Variants in OR6C4 observed in about 807,000 individuals in gnomAD.
OR6C4 encodes the protein olfactory receptor family 6 subfamily C member 4, also known as olfactory receptor 6C4.
In OR6C4, 20 loss-of-function variants were observed where a neutral mutation model predicts 15.1. The ratio of observed to expected loss-of-function variants is 1.32; its 90% CI spans 0.93 to 1.92. OR6C4 has a LOEUF of 1.92. Ranked by LOEUF, OR6C4 falls within the 30% of genes most tolerant of loss-of-function variation. OR6C4 has a pLI of 0.00. For synonymous variants in OR6C4, 179 were observed against 134.2 expected (o/e 1.33, Z -2.31); for missense variants, 491 against 363.2 (o/e 1.35, Z -2.86).
In OR6C4 at chr12:55,551,837, C is replaced by T; in HGVS notation, c.611C>T (p.Thr204Ile). Residue 204 changes from threonine to isoleucine, a missense_variant, in exon 2 of 2, where the codon ACT (threonine) becomes ATT (isoleucine). Transcript: ENST00000641569. Reference protein sequence around the residue: ...ELMVILLAVVTLMVTLVLVTL... With the variant: ...ELMVILLAVVILMVTLVLVTL... The stretch of plus-strand genomic sequence containing the variant: ...ATGGTCATCCTCTTGGCCGTTGTGA[C>T]TCTCATGGTTACTCTGGTGCTGGTG... 1 of 1,613,836 alleles carries T rather than the reference C, an allele frequency of 6.2e-7. No individual in the cohort carries two copies. The highest frequency in any genetic ancestry group is 8.5e-7 in the Non-Finnish European group (1 of 1,179,896).
In OR6C4 at chr12:55,551,367, C is replaced by A. The variant is rs1382970087; in HGVS notation, c.141C>A (p.Thr47=). 12 of 1,613,882 alleles carry A rather than the reference C, an allele frequency of 7.4e-6. No individual in the cohort carries two copies. Among genetic ancestry groups the A allele is most frequent in the Non-Finnish European group, 8.5e-6 (10 of 1,179,858 alleles). The change falls in exon 2 of 2, where the codon ACC becomes ACA. Residue 47 remains threonine (T), a synonymous_variant. Transcript: ENST00000641569. The stretch of plus-strand genomic sequence containing the variant: ...GAAATCTGACTATTATCACCCTCAC[C>A]TTACTAGACCCCCACCTCCAGACCC... ...ILGNLTIITL[T]LLDPHLQTPM...
chr12:55,554,740 G>A lies in OR6C4; in HGVS notation c.*2584G>A, dbSNP rs1231838800. The A allele has an allele frequency of 1.3e-5, 2 of 152,120 alleles. No homozygotes were observed. The highest frequency in any genetic ancestry group is 3.8e-4 in the East Asian group (2 of 5,198). 9.4% of individuals were successfully genotyped at this position (152,120 alleles called of 1,614,324 possible). On this transcript the variant is annotated 3_prime_UTR_variant, in exon 2 of 2. Transcript: ENST00000641569. ...ACATTTGGGCATTCATTCTTCTATT[G>A]CCTCTCTTTAAAGCTGCCAGAGCTT...
In OR6C4 at chr12:55,551,620, A is replaced by T. The variant is rs942226239; in HGVS notation, c.394A>T (p.Thr132Ser). ...VAICKPLHYL[T>S]IMSSRVCIQL... ...CATCTGCAAACCCTTGCATTACCTG[A>T]CTATTATGAGCAGCAGAGTCTGCAT... is the stretch of plus-strand genomic sequence containing the variant. The change falls in exon 2 of 2, where the codon ACT becomes TCT. Residue 132 changes from threonine (T) to serine (S), a missense_variant. By Grantham distance (58) the Thr-to-Ser change is moderately conservative (BLOSUM62 1). Coordinates refer to ENST00000641569, the MANE Select transcript of OR6C4 (RefSeq NM_001005494.2). 6.2e-7 allele frequency: 1 copy of T among 1,613,718 alleles called. No individual in the cohort carries two copies. The highest frequency in any genetic ancestry group is 8.5e-7 in the Non-Finnish European group (1 of 1,179,934).
intron 1 of OR6C4, 37 bp downstream of exon 1, chr12:55,550,155 C>T (rs1873817705): frequency 6.6e-6 from 1 of 152,064 alleles, no homozygotes; most frequent in South Asian, 2.1e-4. Flanking sequence ...TGCAGGAGAC[C>T]CAGGTCACAT....
Position 55,551,806 on chromosome 12 carries a change from G to A in OR6C4, c.580G>A (p.Glu194Lys). 6.2e-7 allele frequency: 1 copy of A among 1,613,672 alleles called. No individual in the cohort carries two copies. Among genetic ancestry groups the A allele is most frequent in the Non-Finnish European group, 8.5e-7 (1 of 1,179,894 alleles). The change falls in exon 2 of 2, where the codon GAA becomes AAA. Residue 194 changes from glutamate to lysine, a missense_variant. Transcript: ENST00000641569. Reference protein sequence around the residue: ...ELACSDTSLLELMVILLAVVT... With the variant: ...ELACSDTSLLKLMVILLAVVT... Reference sequence around the variant, plus strand: ...TGCCTGCTCAGACACAAGCCTCTTAGAACTGATGGTCATCCTCTTGGCCGT... The same window carrying A: ...TGCCTGCTCAGACACAAGCCTCTTAAAACTGATGGTCATCCTCTTGGCCGT...
rs764751335 is a variant in OR6C4, at chr12:55,552,052, A to G, written c.826A>G (p.Ile276Val). The change falls in exon 2 of 2, where the codon ATT becomes GTT. Residue 276 changes from isoleucine (I) to valine (V), a missense_variant. Ile to Val is a conservative substitution (Grantham distance 29). Coordinates refer to ENST00000641569, the MANE Select transcript of OR6C4 (RefSeq NM_001005494.2). ...GAFNKGIAVLITSVTPLLNPF... is the reference protein window; with the variant it reads ...GAFNKGIAVLVTSVTPLLNPF... ...TTTCAACAAAGGAATAGCTGTACTC[A>G]TTACTTCGGTTACTCCCTTACTGAA... is the stretch of plus-strand genomic sequence containing the variant. The G allele has an allele frequency of 3.1e-6, 5 of 1,613,404 alleles. No homozygotes were observed. The highest frequency in any genetic ancestry group is 1.1e-5 in the South Asian group (1 of 91,054).
Position 55,553,872 on chromosome 12 carries a change from A to G in OR6C4, c.*1716A>G, listed in dbSNP as rs1227011193. The G allele has an allele frequency of 6.6e-6, 1 of 152,182 alleles. No individual in the cohort carries two copies. The highest frequency in any genetic ancestry group is 1.5e-5 in the Non-Finnish European group (1 of 68,038). The allele number at this position is 152,182 out of a possible 1,614,324, so 9.4% of individuals were successfully genotyped here. ...TCAACTCTAAAATGTTTACAATAAT[A>G]GTGTCTATCTTATAGTTTTGAGCAT... On this transcript the variant is annotated 3_prime_UTR_variant, in exon 2 of 2. Coordinates refer to ENST00000641569, the MANE Select transcript of OR6C4 (RefSeq NM_001005494.2).
Position 55,551,651 on chromosome 12 carries a change from T to C in OR6C4, c.425T>C (p.Leu142Pro). 6.2e-7 allele frequency: 1 copy of C among 1,613,970 alleles called. No homozygotes were observed. The highest frequency in any genetic ancestry group is 8.5e-7 in the Non-Finnish European group (1 of 1,179,912). ...TIMSSRVCIQ[L>P]VFCSWLGGFL... The stretch of plus-strand genomic sequence containing the variant: ...ATGAGCAGCAGAGTCTGCATACAAC[T>C]AGTGTTCTGCTCCTGGTTGGGGGGA... The change falls in exon 2 of 2, where the codon CTA becomes CCA. Residue 142 changes from leucine (L) to proline (P), a missense_variant. Coordinates refer to ENST00000641569, the MANE Select transcript of OR6C4 (RefSeq NM_001005494.2).
At position 55,554,422 on chromosome 12, in the gene OR6C4, A is replaced by T. The variant is rs1873962043; in HGVS notation, c.*2266A>T. The T allele has an allele frequency of 6.6e-6, 1 of 152,212 alleles. No homozygotes were observed. Among genetic ancestry groups the T allele is most frequent in the Non-Finnish European group, 1.5e-5 (1 of 68,032 alleles). 9.4% of individuals were successfully genotyped at this position (152,212 alleles called of 1,614,324 possible). On this transcript the variant is annotated 3_prime_UTR_variant, in exon 2 of 2. Transcript: ENST00000641569. ...CTTCTAAATGAGCTTGTCAAAAAAA[A>T]AAAAGCAAGTCATATTCTTCTAAAG...
rs1157231639 is a variant in OR6C4 at position 55,549,626 on chromosome 12, G to C, written c.-511G>C. The C allele has an allele frequency of 1.3e-5, 2 of 152,122 alleles. No individual in the cohort carries two copies. The highest frequency in any genetic ancestry group is 2.4e-5 in the African/African-American group (1 of 41,432). The allele number at this position is 152,122 out of a possible 1,614,324, so 9.4% of individuals were successfully genotyped here. A position where few individuals can be genotyped will look rare whatever the true frequency, so the allele number is the denominator to read the frequency against. On this transcript the variant is annotated 5_prime_UTR_variant, in exon 1 of 2. Coordinates refer to ENST00000641569, the MANE Select transcript of OR6C4 (RefSeq NM_001005494.2). ...GAGATGCCCATCCTCTGCCATCTAA[G>C]AACTTCAACATAATCTCTCTTAGAA...
At position 55,552,946 on chromosome 12, in the gene OR6C4, T is replaced by C. The variant is rs1386424882; in HGVS notation, c.*790T>C. On this transcript the variant is annotated 3_prime_UTR_variant, in exon 2 of 2. Coordinates refer to ENST00000641569, the MANE Select transcript of OR6C4 (RefSeq NM_001005494.2). Reference sequence around the variant, plus strand: ...AATGGCATGAGATCTGTTTTCTCTCTCTTTGATAGTTTCTGGTAATTTTTT... The same window carrying C: ...AATGGCATGAGATCTGTTTTCTCTCCCTTTGATAGTTTCTGGTAATTTTTT... 6.6e-6 allele frequency: 1 copy of C among 152,126 alleles called. No individual in the cohort carries two copies. The highest frequency in any genetic ancestry group is 6.6e-5 in the Admixed American group (1 of 15,258). 9.4% of individuals were successfully genotyped at this position (152,126 alleles called of 1,614,324 possible). A position where few individuals can be genotyped will look rare whatever the true frequency, so the allele number is the denominator to read the frequency against.
Position 55,552,078 on chromosome 12 carries a change from T to C in OR6C4, c.852T>C (p.Asn284=). The part of the protein sequence containing the change: ...VLITSVTPLL[N]PFIYTLRNQQ... ...TTACTTCGGTTACTCCCTTACTGAA[T>C]CCCTTCATATATACTTTAAGAAATC... The change falls in exon 2 of 2, where the codon AAT becomes AAC. Residue 284 remains asparagine, a synonymous_variant. Transcript: ENST00000641569. 6.2e-7 allele frequency: 1 copy of C among 1,612,520 alleles called. No individual in the cohort carries two copies. Among genetic ancestry groups the C allele is most frequent in the Non-Finnish European group, 8.5e-7 (1 of 1,179,474 alleles).
At position 55,551,443 on chromosome 12, in the gene OR6C4, T is replaced by A. The variant is rs897959615; in HGVS notation, c.217T>A (p.Ser73Thr). 19 of 1,613,828 alleles carry A rather than the reference T, an allele frequency of 1.2e-5. No homozygotes were observed. The highest frequency in any genetic ancestry group is 2.7e-5 in the African/African-American group (2 of 74,914). ...CTCCTTCTTAGAAATTTCCTTCACATCCATTTTTATTCCCAGATTTCTGAC... is the reference window on the plus strand; with the variant it reads ...CTCCTTCTTAGAAATTTCCTTCACAACCATTTTTATTCCCAGATTTCTGAC... ...NFSFLEISFT[S>T]IFIPRFLTSM... is the part of the protein sequence containing the mutation. The change falls in exon 2 of 2, where the codon TCC becomes ACC. Residue 73 changes from serine (S) to threonine (T), a missense_variant. Physicochemically the swap from Ser to Thr is moderately conservative, Grantham distance 58. Transcript: ENST00000641569.
Position 55,552,392 on chromosome 12 carries a change from G to GA in OR6C4, c.*240dup. 2 of 365,492 alleles carry GA rather than the reference G, an allele frequency of 5.5e-6. No homozygotes were observed. Among genetic ancestry groups the GA allele is most frequent in the Non-Finnish European group, 9.7e-6 (2 of 207,218 alleles). 22.6% of individuals were successfully genotyped at this position (365,492 alleles called of 1,614,324 possible). A position where few individuals can be genotyped will look rare whatever the true frequency, so the allele number is the denominator to read the frequency against. On this transcript the variant is annotated 3_prime_UTR_variant, in exon 2 of 2. Coordinates refer to ENST00000641569, the MANE Select transcript of OR6C4 (RefSeq NM_001005494.2). ...ATTAGAGAAGAGTGAATGGGGATCT[G>GA]AAAAGGAACAGTTGGAAAGAATTAG... is the stretch of plus-strand genomic sequence containing the variant.
Position 55,551,293 on chromosome 12 carries a change from G to A in OR6C4, c.67G>A (p.Val23Met), listed in dbSNP as rs765025264. ...LGLTNQPELQ[V>M]MIFIFLFLTY... ...CCTTACAAATCAACCTGAACTCCAA[G>A]TGATGATATTCATCTTTCTGTTCCT... is the stretch of plus-strand genomic sequence containing the variant. The change falls in exon 2 of 2, where the codon GTG becomes ATG. Residue 23 changes from valine to methionine, a missense_variant. Physicochemically the swap from Val to Met is conservative, Grantham distance 21. Transcript: ENST00000641569. 5.6e-6 allele frequency: 9 copies of A among 1,613,644 alleles called. No individual in the cohort carries two copies. The highest frequency in any genetic ancestry group is 7.6e-6 in the Non-Finnish European group (9 of 1,179,764).
chr12:55,553,799 C>A lies in OR6C4; in HGVS notation c.*1643C>A, dbSNP rs956282871. 2.6e-5 allele frequency: 4 copies of A among 151,992 alleles called. No homozygotes were observed. Among genetic ancestry groups the A allele is most frequent in the African/African-American group, 2.4e-5 (1 of 41,380 alleles). 9.4% of individuals were successfully genotyped at this position (151,992 alleles called of 1,614,324 possible). ...AAATCCCAGATTTTCAACTTTCTAC[C>A]AAAGTTACCTGGGGATAGTTACTTG... On this transcript the variant is annotated 3_prime_UTR_variant, in exon 2 of 2. Transcript: ENST00000641569.
chr12:55,555,200 A>G lies in OR6C4; in HGVS notation c.*3044A>G, dbSNP rs889798180. ...CTTTTGTTACATCAGTGAATTAAAT[A>G]GTGGTGAATTCTGGGATTTTAGTGC... is the stretch of plus-strand genomic sequence containing the variant. On this transcript the variant is annotated 3_prime_UTR_variant, in exon 2 of 2. Transcript: ENST00000641569. 2 of 152,138 alleles carry G rather than the reference A, an allele frequency of 1.3e-5. No individual in the cohort carries two copies. Among genetic ancestry groups the G allele is most frequent in the Non-Finnish European group, 2.9e-5 (2 of 68,018 alleles). The allele number at this position is 152,138 out of a possible 1,614,324, so 9.4% of individuals were successfully genotyped here.
Position 55,552,167 on chromosome 12 carries a change from T to G in OR6C4, c.*11T>G. 6.4e-7 allele frequency: 1 copy of G among 1,555,584 alleles called. No homozygotes were observed. Among genetic ancestry groups the G allele is most frequent in the Non-Finnish European group, 8.7e-7 (1 of 1,145,632 alleles). On this transcript the variant is annotated 3_prime_UTR_variant, in exon 2 of 2. Transcript: ENST00000641569. ...ATTGTGAAACTTTAAAAAAGGAGAT[T>G]ACACTTCAAAATACATTTTCACTTA...
rs867888373 is a variant in OR6C4 at position 55,551,700 on chromosome 12, C to T, written c.474C>T (p.Ile158=). The part of the protein sequence containing the change: ...LGGFLAILPP[I]ILMTQVDFCV... The stretch of plus-strand genomic sequence containing the variant: ...GATTCCTAGCAATCTTACCACCAAT[C>T]ATCCTGATGACCCAGGTAGATTTCT... The change falls in exon 2 of 2, where the codon ATC becomes ATT. Residue 158 remains isoleucine (I), a synonymous_variant. Transcript: ENST00000641569. 2 of 1,613,920 alleles carry T rather than the reference C, an allele frequency of 1.2e-6. No homozygotes were observed. The highest frequency in any genetic ancestry group is 1.7e-6 in the Non-Finnish European group (2 of 1,179,872).
Sources: allele counts gnomAD v4.1 joint callset, GRCh38; gene constraint gnomAD v4.1.1; transcripts MANE v1.5; gene names NCBI Gene and HGNC (gene_info 2026-07-23, HGNC 2026-07-21).